The following GOSR1 variants were observed in gnomAD, a reference collection of about 807,000 sequenced individuals.
GOSR1 encodes 28 kDa Golgi SNARE protein.
A neutral mutation model predicts 35.5 loss-of-function variants in GOSR1; 21 were observed. The ratio of observed to expected loss-of-function variants is 0.59; its 90% CI spans 0.42 to 0.85. The LOEUF is 0.85. Among genes scored for constraint, GOSR1 ranks in the 40% least tolerant of loss-of-function variants. The pLI, the probability that GOSR1 is intolerant of heterozygous loss-of-function variation, is 0.00. For missense variants in GOSR1, 285 were observed against 309.6 expected (o/e 0.92, Z 0.60); for synonymous variants, 94 against 106.6 (o/e 0.88, Z 0.73).
intron 1 of GOSR1, chr17:30,479,945 A>G (rs1367937721): frequency 6.6e-6 from 1 of 152,102 alleles, no homozygotes; most frequent in South Asian, 2.1e-4. Context: ...TGTGAGAAAA[A>G]ACAGAAAAGA....
At chr17:30,479,105 G>A (rs1195554852) in intron 1 of GOSR1, 2 of 152,238 alleles carry the variant, frequency 1.3e-5, no homozygotes, top group African/African-American at 4.8e-5. Context: ...GTCAGTAAGT[G>A]GCTGTGCCGA....
At chr17:30,501,101 C>T (rs1473653343) in intron 6 of GOSR1, among the ~76,000 whole-genome samples, 6 of 151,884 alleles carry the variant, frequency 4.0e-5, no homozygotes, top group African/African-American at 7.3e-5. Flanking sequence ...GGGATGGTCT[C>T]GATCTCCTGA....
At chr17:30,503,578 T>G (rs1228216990) in intron 6 of GOSR1, among the ~76,000 whole-genome samples, 1 of 152,240 alleles carries the variant, frequency 6.6e-6, no homozygotes, top group African/African-American at 2.4e-5. Context: ...TCTGTTGTCG[T>G]GTCCACACGT....
intron 7 of GOSR1, among the ~76,000 whole-genome samples, chr17:30,514,789 G>A (rs1490155498): frequency 6.6e-6 from 1 of 152,106 alleles, no homozygotes; most frequent in Non-Finnish European, 1.5e-5. Flanking sequence ...CTCTGTTTCT[G>A]TTGATCTTTT....
At chr17:30,483,358 T>C (rs565366990) in intron 2 of GOSR1, among the ~76,000 whole-genome samples, 2 of 152,272 alleles carry the variant, frequency 1.3e-5, no homozygotes, top group East Asian at 3.9e-4. Flanking sequence ...AGCAGAAGTT[T>C]AATGAGCATC....
chr17:30,520,862 G>A (rs1339883296), intron 8 of GOSR1, among the ~76,000 whole-genome samples: 1 of 152,148 alleles, frequency 6.6e-6, no homozygotes, highest in African/African-American at 2.4e-5. Context: ...GTCACCCTAA[G>A]TATAAAACCA....
chr17:30,519,941 TTGCTA>T lies in GOSR1; in HGVS notation c.545_549del (p.Ala182GlyfsTer119). On this transcript the variant is annotated frameshift_variant, in exon 8 of 9. Transcript: ENST00000451249. LOFTEE classifies it high-confidence loss of function. ...GTCATCTTTTTTTCCCCTTGCAGCA[TTGCTA>T]TGGCAACAAAAGAAAATATGACTTC... 6.3e-7 allele frequency: 1 copy of T among 1,590,410 alleles called. No homozygotes were observed. Among genetic ancestry groups the T allele is most frequent in the Admixed American group, 1.7e-5 (1 of 59,756 alleles).
chr17:30,521,253 C>T (rs1968024231), intron 8 of GOSR1, among the ~76,000 whole-genome samples: 1 of 143,164 alleles, frequency 7.0e-6, no homozygotes, highest in African/African-American at 2.6e-5. Flanking sequence ...ACGATCTCAG[C>T]TCACTGCAAC....
chr17:30,514,337 G>T (rs143754359), intron 7 of GOSR1, among the ~76,000 whole-genome samples: 1 of 152,228 alleles, frequency 6.6e-6, no homozygotes, highest in African/African-American at 2.4e-5. Context: ...ACCTACTTGG[G>T]ATTAGTGCCT....
intron 1 of GOSR1, chr17:30,477,923 G>C (rs1914053504): frequency 2.0e-6 from 2 of 983,686 alleles, no homozygotes; most frequent in Non-Finnish European, 2.4e-6. Context: ...CTTGCATTCC[G>C]GTCCGTCGGA....
At chr17:30,479,523 G>C (rs1340472694) in intron 1 of GOSR1, 1 of 151,908 alleles carries the variant, frequency 6.6e-6, no homozygotes, top group Non-Finnish European at 1.5e-5. Context: ...TTTTTAGATG[G>C]AGTCTCGCAC....
chr17:30,509,817 C>G (rs1425757941), intron 6 of GOSR1, among the ~76,000 whole-genome samples: 1 of 152,042 alleles, frequency 6.6e-6, no homozygotes, highest in Admixed American at 6.5e-5. Flanking sequence ...AAAAAAAAGC[C>G]TGTTTCCCAA....
In GOSR1 at chr17:30,522,756, A is replaced by G. The variant is rs1025677524; in HGVS notation, c.*378A>G. On this transcript the variant is annotated 3_prime_UTR_variant, in exon 9 of 9. Coordinates refer to ENST00000451249, the MANE Select transcript of GOSR1 (RefSeq NM_001007025.2). ...GAAAACCAGGTTTCTACATCCAAAG[A>G]CTGCTTTTCTTTTAGCTGCCAGATT... 6.3e-6 allele frequency: 1 copy of G among 157,980 alleles called. No individual in the cohort carries two copies. The highest frequency in any genetic ancestry group is 2.4e-5 in the African/African-American group (1 of 41,566). The allele number at this position is 157,980 out of a possible 1,614,324, so 9.8% of individuals were successfully genotyped here.
At position 30,522,240 on chromosome 17, in the gene GOSR1, A is replaced by G; in HGVS notation, c.623-14A>G. On this transcript the variant is annotated splice_polypyrimidine_tract_variant and intron_variant, in intron 8 of 8. Transcript: ENST00000451249. Reference sequence around the variant, plus strand: ...GCTTCTTCCAAATATGACCTTAATAAAGATTTCCCAAAGATCGTTTTCCTG... The same window carrying G: ...GCTTCTTCCAAATATGACCTTAATAGAGATTTCCCAAAGATCGTTTTCCTG... 1.9e-6 allele frequency: 3 copies of G among 1,589,980 alleles called. No individual in the cohort carries two copies. The highest frequency in any genetic ancestry group is 2.7e-5 in the African/African-American group (2 of 73,972).
intron 4 of GOSR1, among the ~76,000 whole-genome samples, chr17:30,486,723 CTGTTAGAAAATACAA>C (rs1397349285): frequency 6.6e-6 from 1 of 151,996 alleles, no homozygotes; most frequent in Non-Finnish European, 1.5e-5. Context: ...AAATGATAAC[CTGTTAGAAAATACAA>C]TGGAAGAAAC....
intron 6 of GOSR1, among the ~76,000 whole-genome samples, chr17:30,498,769 G>A (rs981696075): frequency 4.6e-5 from 7 of 152,104 alleles, no homozygotes; most frequent in Admixed American, 2.0e-4. Flanking sequence ...GGACACACTG[G>A]GCAAAAGAAA....
chr17:30,502,089 C>T (rs2143787942), intron 6 of GOSR1, among the ~76,000 whole-genome samples: 1 of 152,286 alleles, frequency 6.6e-6, no homozygotes, highest in Non-Finnish European at 1.5e-5. Flanking sequence ...TGCATAAAAG[C>T]AGCCAGTCTG....
intron 2 of GOSR1, among the ~76,000 whole-genome samples, chr17:30,483,406 T>A (rs145490155): frequency 6.6e-6 from 1 of 152,230 alleles, no homozygotes; most frequent in African/African-American, 2.4e-5. Flanking sequence ...GCTAGGCATA[T>A]ATCTATGAAT....
intron 7 of GOSR1, among the ~76,000 whole-genome samples, chr17:30,518,448 AAAAAT>A (rs1301985862): frequency 6.6e-6 from 1 of 152,144 alleles, no homozygotes; most frequent in Non-Finnish European, 1.5e-5. Flanking sequence ...AAAAAAAAAA[AAAAAT>A]AGATATTTTC....
Sources: allele counts gnomAD v4.1 joint callset (sites outside exome capture counted in the v4.1 genomes callset), GRCh38; gene constraint gnomAD v4.1.1; transcripts MANE v1.5; gene names NCBI Gene and HGNC (gene_info 2026-07-23, HGNC 2026-07-21).